The following COL28A1 variants were observed in gnomAD, a reference collection of about 807,000 sequenced individuals.
COL28A1 encodes collagen alpha-1(XXVIII) chain.
Under a neutral mutation model 150.2 loss-of-function variants are expected in COL28A1, and 161 were observed. The ratio of observed to expected loss-of-function variants is 1.07; its 90% CI spans 0.94 to 1.22. COL28A1 has a LOEUF of 1.22. Ranked by LOEUF, COL28A1 falls within the 50% of genes most tolerant of loss-of-function variation. COL28A1 has a pLI of 0.00. For missense variants in COL28A1, 1,617 were observed against 1,388.3 expected (o/e 1.16, Z -2.62); for synonymous variants, 552 against 469.7 (o/e 1.18, Z -2.26).
At chr7:7,419,069 G>T (rs559430696) in intron 26 of COL28A1, among the ~76,000 whole-genome samples, 1 of 152,260 alleles carries the variant, frequency 6.6e-6, no homozygotes, top group South Asian at 2.1e-4. Context: ...TTTGTGGTGG[G>T]TGGTTCATTG....
chr7:7,533,020 G>T, intron 1 of COL28A1, 108 bp from the exon 2 acceptor site: 2 of 1,160,810 alleles, frequency 1.7e-6, no homozygotes, highest in Non-Finnish European at 1.1e-6. Context: ...GAAAAAAGAG[G>T]TTTTCATTCA....
At chr7:7,492,363 C>A (rs932710506) in intron 11 of COL28A1, among the ~76,000 whole-genome samples, 1 of 150,278 alleles carries the variant, frequency 6.7e-6, no homozygotes, top group African/African-American at 2.5e-5. Context: ...CACTTGAGGT[C>A]AGGAGTTCAA....
intron 27 of COL28A1, among the ~76,000 whole-genome samples, chr7:7,414,606 C>G (rs189518987): frequency 6.6e-6 from 1 of 152,110 alleles, no homozygotes; most frequent in Non-Finnish European, 1.5e-5. Context: ...CAGGAAAGGC[C>G]GGGGAAAGAA....
chr7:7,500,209 A>G (rs1296272303), intron 11 of COL28A1, among the ~76,000 whole-genome samples: 2 of 152,168 alleles, frequency 1.3e-5, no homozygotes, highest in East Asian at 1.9e-4. Flanking sequence ...AATCTTCCCA[A>G]TGACCTCAAT....
chr7:7,522,416 T>A (rs1269998172), intron 4 of COL28A1, among the ~76,000 whole-genome samples: 2 of 152,150 alleles, frequency 1.3e-5, no homozygotes, highest in South Asian at 4.1e-4. Context: ...AACATTTGAC[T>A]TATAGCATAT....
chr7:7,500,600 C>T (rs1021084697), intron 11 of COL28A1, among the ~76,000 whole-genome samples: 1 of 152,202 alleles, frequency 6.6e-6, no homozygotes, highest in African/African-American at 2.4e-5. Context: ...AATATCCACA[C>T]ATGCATTCCT....
At chr7:7,491,010 A>T (rs1779886273) in intron 11 of COL28A1, among the ~76,000 whole-genome samples, 1 of 152,196 alleles carries the variant, frequency 6.6e-6, no homozygotes, top group African/African-American at 2.4e-5. Context: ...GGGGCCCACA[A>T]AGTCAAGTGT....
At chr7:7,520,613 A>G (rs1055339461) in intron 5 of COL28A1, among the ~76,000 whole-genome samples, 11 of 152,214 alleles carry the variant, frequency 7.2e-5, no homozygotes, top group Non-Finnish European at 1.3e-4. Context: ...ATCCTGTTCC[A>G]GAAAAGCATT....
Position 7,373,045 on chromosome 7 carries a change from G to A in COL28A1, c.2861C>T (p.Thr954Ile), listed in dbSNP as rs1460608218. 6.2e-7 allele frequency: 1 copy of A among 1,614,110 alleles called. No homozygotes were observed. The highest frequency in any genetic ancestry group is 1.7e-5 in the Admixed American group (1 of 60,024). ...AAACTGGTAAACATGCTCTGGGTCAGTAGCAATTAGATTCATTTCTTTGTG... is the reference window on the plus strand; with the variant it reads ...AAACTGGTAAACATGCTCTGGGTCAATAGCAATTAGATTCATTTCTTTGTG... The part of the protein sequence containing the change: ...IFHKEMNLIA[T>I]DPEHVYQFDD... The change falls in exon 32 of 35, where the codon ACT (threonine) becomes ATT (isoleucine). Residue 954 changes from threonine (T) to isoleucine (I), a missense_variant. Thr to Ile is a moderately conservative substitution (Grantham distance 89). Coordinates refer to ENST00000399429, the MANE Select transcript of COL28A1 (RefSeq NM_001037763.3). The surrounding 1 kb of genome is among the most constrained non-coding windows in gnomAD (Gnocchi z 4.1).
chr7:7,531,681 T>A lies in COL28A1; in HGVS notation c.348A>T (p.Thr116=), dbSNP rs774020083. 1 of 1,586,668 alleles carries A rather than the reference T, an allele frequency of 6.3e-7. No homozygotes were observed. Among genetic ancestry groups the A allele is most frequent in the East Asian group, 2.2e-5 (1 of 44,756 alleles). ...PPFSSWKDLQ[T]FKQKVKSMNL... ...TCATAGACTTGACCTTCTGCTTAAATGTCTGCAGGTCCTTCCAGGAAGAAA... is the reference window on the plus strand; with the variant it reads ...TCATAGACTTGACCTTCTGCTTAAAAGTCTGCAGGTCCTTCCAGGAAGAAA... Residue 116 remains threonine, a synonymous_variant, in exon 3 of 35, where the codon ACA becomes ACT. Transcript: ENST00000399429.
chr7:7,353,896 T>G, downstream of COL28A1, among the ~76,000 whole-genome samples: 1 of 152,154 alleles, frequency 6.6e-6, no homozygotes, highest in South Asian at 2.1e-4. Flanking sequence ...TTTAATGCAC[T>G]GTGGGCATCC....
chr7:7,382,520 A>G (rs1032823024), intron 27 of COL28A1, among the ~76,000 whole-genome samples: 5 of 152,116 alleles, frequency 3.3e-5, no homozygotes, highest in Non-Finnish European at 5.9e-5. Flanking sequence ...CAAACCACAC[A>G]GTTTCCAAGG....
intron 1 of COL28A1, among the ~76,000 whole-genome samples, chr7:7,534,268 C>A (rs1782526202): frequency 6.6e-6 from 1 of 152,190 alleles, no homozygotes; most frequent in South Asian, 2.1e-4. Flanking sequence ...ACAAGGTATA[C>A]TAAAATGTAA....
At chr7:7,428,989 T>G (rs1784791612) in intron 25 of COL28A1, among the ~76,000 whole-genome samples, 1 of 152,184 alleles carries the variant, frequency 6.6e-6, no homozygotes, top group Admixed American at 6.5e-5. Flanking sequence ...TTATATGTTT[T>G]GAAACACAGA....
intron 2 of COL28A1, 66 bp downstream of exon 2, chr7:7,532,686 T>C: frequency 6.4e-7 from 1 of 1,553,810 alleles, no homozygotes; most frequent in Non-Finnish European, 8.6e-7. Flanking sequence ...AAATGCTATT[T>C]AGAAAAATTC....
chr7:7,392,158 T>C (rs1782582464), intron 27 of COL28A1, among the ~76,000 whole-genome samples: 2 of 152,212 alleles, frequency 1.3e-5, no homozygotes, highest in Non-Finnish European at 2.9e-5. Flanking sequence ...CAGGAGCTCT[T>C]GTAAGGCAGG....
intron 18 of COL28A1, among the ~76,000 whole-genome samples, chr7:7,450,472 G>C (rs1420421276): frequency 6.6e-6 from 1 of 152,278 alleles, no homozygotes; most frequent in East Asian, 1.9e-4. Context: ...CAGAGCCTAG[G>C]AGAAGATATT....
intron 27 of COL28A1, among the ~76,000 whole-genome samples, chr7:7,382,339 T>C (rs990594719): frequency 5.3e-4 from 81 of 152,098 alleles, no homozygotes; most frequent in African/African-American, 1.9e-3. Flanking sequence ...AAAATGTCAT[T>C]TTAGTAACGG....
intron 15 of COL28A1, among the ~76,000 whole-genome samples, chr7:7,457,471 CA>C (rs1787258825): frequency 6.6e-6 from 1 of 152,086 alleles, no homozygotes; most frequent in Non-Finnish European, 1.5e-5. Flanking sequence ...AGGGTGATAT[CA>C]GGAGTTCAGT....
Sources: allele counts gnomAD v4.1 joint callset (sites outside exome capture counted in the v4.1 genomes callset), GRCh38; gene constraint gnomAD v4.1.1; non-coding constraint Gnocchi (gnomAD v3.1); transcripts MANE v1.5; gene names NCBI Gene and HGNC (gene_info 2026-07-23, HGNC 2026-07-21).